Variants in PALLD observed in about 807,000 individuals in gnomAD.
The protein encoded by PALLD is palladin, cytoskeletal associated protein, also known as palladin.
In PALLD, 61 loss-of-function variants were observed where a neutral mutation model predicts 123.5. That is an observed-to-expected ratio of 0.49 (90% CI 0.40 to 0.61). The LOEUF (loss-of-function observed/expected upper bound fraction) is 0.61. Among genes scored for constraint, PALLD ranks in the 20% least tolerant of loss-of-function variants. PALLD has a pLI of 0.00. For missense variants in PALLD, 1,273 were observed against 1,377.0 expected, an observed-to-expected ratio of 0.92 and a Z score of 1.20; for synonymous variants, 465 against 496.4, an observed-to-expected ratio of 0.94 and a Z score of 0.84.
rs556961043 is a variant in PALLD, at chr4:168,683,920, A to G, written c.1260+817A>G. Among the ~76,000 whole-genome samples, 34 of 152,322 alleles carry G rather than the reference A, an allele frequency of 2.2e-4. No homozygotes were observed. In the South Asian group the frequency reaches 7.0e-3, roughly 32 times the overall value. ...TAGGTGCTATCGATATGTGGAAAAT[A>G]CAAACAGTAGAGAGAAGACATTTGG... On this transcript the variant is annotated intron_variant, in intron 5 of 21. Coordinates refer to ENST00000505667, the MANE Select transcript of PALLD (RefSeq NM_001166108.2).
chr4:168,699,407 C>T (rs1581030972), intron 8 of PALLD, among the ~76,000 whole-genome samples: 1 of 152,088 alleles, frequency 6.6e-6, no homozygotes, highest in South Asian at 2.1e-4. Context: ...ACAAGCATTA[C>T]ATTTACCCAC....
intron 10 of PALLD, among the ~76,000 whole-genome samples, chr4:168,824,591 G>C (rs1471994371): frequency 1.3e-5 from 2 of 151,564 alleles, no homozygotes; most frequent in East Asian, 3.9e-4. Context: ...ACTAATACAA[G>C]AATAATGATC....
intron 14 of PALLD, among the ~76,000 whole-genome samples, chr4:168,900,058 A>C (rs1003274959): frequency 6.6e-6 from 1 of 152,220 alleles, no homozygotes; most frequent in South Asian, 2.1e-4. Context: ...AAAAAGGTGA[A>C]TCACACAGCA....
chr4:168,743,714 T>A (rs1788588152), intron 10 of PALLD, among the ~76,000 whole-genome samples: 1 of 152,166 alleles, frequency 6.6e-6, no homozygotes, highest in Non-Finnish European at 1.5e-5. Context: ...TGTCCTTGTT[T>A]ATTTTCTGCT....
intron 17 of PALLD, among the ~76,000 whole-genome samples, chr4:168,918,180 G>A (rs1285459212): frequency 1.3e-4 from 19 of 148,914 alleles, no homozygotes; most frequent in African/African-American, 4.2e-4. Flanking sequence ...AAGACTCCCC[G>A]TCTCCCCCAC....
chr4:168,669,352 G>T (rs1381370578), intron 3 of PALLD, among the ~76,000 whole-genome samples: 1 of 152,138 alleles, frequency 6.6e-6, no homozygotes. Context: ...GATCGCTCGA[G>T]GCCAGGAGTT....
rs757885388 is a variant in PALLD at position 168,894,569 on chromosome 4, C to T, written c.2101-10C>T. 1.5e-5 allele frequency: 23 copies of T among 1,585,008 alleles called. No individual in the cohort carries two copies. The highest frequency in any genetic ancestry group is 3.3e-5 in the Admixed American group (2 of 59,936). On this transcript the variant is annotated splice_polypyrimidine_tract_variant and intron_variant, in intron 11 of 21. Coordinates refer to ENST00000505667, the MANE Select transcript of PALLD (RefSeq NM_001166108.2). ...CTAATTTTGTATTTTTTGTGACTTA[C>T]GTTGTTTAGAGGTTAACATACGAAG...
chr4:168,697,522 A>G (rs897481285), intron 8 of PALLD, among the ~76,000 whole-genome samples: 1 of 152,186 alleles, frequency 6.6e-6, no homozygotes, highest in African/African-American at 2.4e-5. Context: ...TTTTATTTGG[A>G]TGACAGAATG....
intron 2 of PALLD, among the ~76,000 whole-genome samples, chr4:168,661,153 C>T (rs766926588): frequency 1.1e-4 from 17 of 152,228 alleles, no homozygotes; most frequent in Non-Finnish European, 1.8e-4. Flanking sequence ...GTGATCTGCC[C>T]GCCTCGGCCT....
intron 11 of PALLD, among the ~76,000 whole-genome samples, chr4:168,893,509 A>C (rs1157059055): frequency 2.0e-5 from 3 of 152,196 alleles, no homozygotes; most frequent in African/African-American, 7.2e-5. Context: ...CTGATTAGAG[A>C]GCTTCCAATC....
chr4:168,539,448 C>G (rs1323790779), intron 2 of PALLD, among the ~76,000 whole-genome samples: 1 of 151,936 alleles, frequency 6.6e-6, no homozygotes, highest in Non-Finnish European at 1.5e-5. Flanking sequence ...ATTAGCCACC[C>G]GTGGTGGCGC....
intron 2 of PALLD, among the ~76,000 whole-genome samples, chr4:168,584,283 A>G (rs1770594729): frequency 6.6e-6 from 1 of 151,810 alleles, no homozygotes; most frequent in Admixed American, 6.6e-5. Context: ...TTCAGATTTC[A>G]ACAAAGTGTA....
rs112874106 is a variant in PALLD at position 168,605,684 on chromosome 4, C to T, written c.909-62506C>T. Among the ~76,000 whole-genome samples, 1,166 of 152,312 alleles carry T rather than the reference C, an allele frequency of 7.7e-3. 10 individuals carry two copies. The highest frequency in any genetic ancestry group is 0.026 in the African/African-American group (1,099 of 41,562). On this transcript the variant is annotated intron_variant, in intron 2 of 21. Transcript: ENST00000505667. ...TGGGCTTGGTGCATCTGCGGACCAG[C>T]GGCTAGCATGTTTGTTCTACCCAGT...
At chr4:168,705,233 T>G (rs1481051345) in intron 8 of PALLD, among the ~76,000 whole-genome samples, 1 of 152,208 alleles carries the variant, frequency 6.6e-6, no homozygotes, top group Non-Finnish European at 1.5e-5. Context: ...CATTCAAGTT[T>G]AATTCATGTA....
At chr4:168,703,152 T>C (rs1180030180) in intron 8 of PALLD, among the ~76,000 whole-genome samples, 2 of 145,866 alleles carry the variant, frequency 1.4e-5, no homozygotes, top group Non-Finnish European at 3.0e-5. Context: ...AGTGAGAATA[T>C]GCGGTGTTTG....
rs984418856 is a variant in PALLD, at chr4:168,758,875, T to C, written c.1964+46952T>C. Among the ~76,000 whole-genome samples the C allele has an allele frequency of 3.3e-5, 5 of 151,680 alleles. No homozygotes were observed. In the East Asian group the frequency reaches 7.8e-4, roughly 24 times the overall value. On this transcript the variant is annotated intron_variant, in intron 10 of 21. Transcript: ENST00000505667. Reference sequence around the variant, plus strand: ...GGCCTGTGCAAATGGATTTCTTAGATTAAAAGTATAAAAACAAGGCTGGGC... The same window carrying C: ...GGCCTGTGCAAATGGATTTCTTAGACTAAAAGTATAAAAACAAGGCTGGGC...
Position 168,512,234 on chromosome 4 carries a change from C to T in PALLD, c.730C>T (p.Gln244Ter), listed in dbSNP as rs367790700. The T allele has an allele frequency of 9.2e-5, 149 of 1,613,724 alleles. 1 individual carries two copies. In the South Asian group the frequency reaches 1.4e-3, roughly 16 times the overall value. Reference sequence around the variant, plus strand: ...GTCCCCTGGGGCCAGGCATTGCTACCAGGACAACCAGGACTTGGCAGTGCC... The same window carrying T: ...GTCCCCTGGGGCCAGGCATTGCTACTAGGACAACCAGGACTTGGCAGTGCC... ...VKSPGARHCY[Q>*]DNQDLAVPHN... Residue 244 changes from glutamine to a stop codon, truncating the protein, a stop_gained, in exon 2 of 22, where the codon CAG (glutamine) becomes TAG (stop). Coordinates refer to ENST00000505667, the MANE Select transcript of PALLD (RefSeq NM_001166108.2). LOFTEE classifies it high-confidence loss of function.
chr4:168,520,584 G>A (rs1763466481), intron 2 of PALLD, among the ~76,000 whole-genome samples: 1 of 152,088 alleles, frequency 6.6e-6, no homozygotes, highest in South Asian at 2.1e-4. Context: ...TACCTGCAAG[G>A]CCATCATTAA....
At chr4:168,715,521 G>A (rs553635404) in intron 10 of PALLD, among the ~76,000 whole-genome samples, 1 of 152,214 alleles carries the variant, frequency 6.6e-6, no homozygotes, top group Non-Finnish European at 1.5e-5. Flanking sequence ...AGGAGGGAAT[G>A]AGCGTAAACC....
Sources: gnomAD v4.1 joint callset for allele counts (sites outside exome capture counted in the v4.1 genomes callset) on GRCh38, gnomAD v4.1.1 for gene constraint, MANE v1.5 for transcripts, NCBI Gene and HGNC (gene_info 2026-07-23, HGNC 2026-07-21) for gene names.